TANC2: variants seen among roughly 807,000 people sequenced by gnomAD.
TANC2 encodes protein TANC2.
Under a neutral mutation model 210.5 loss-of-function variants are expected in TANC2, and 26 were observed. The ratio of observed to expected loss-of-function variants is 0.12; its 90% CI spans 0.09 to 0.17. The LOEUF (loss-of-function observed/expected upper bound fraction) is 0.17, where lower values mean the gene tolerates loss of function less well. Among genes scored for constraint, TANC2 ranks in the 10% least tolerant of loss-of-function variants. TANC2 has a pLI of 1.00. For missense variants in TANC2, 2,129 were observed against 2,608.9 expected (o/e 0.82, Z 4.01); for synonymous variants, 931 against 967.1 (o/e 0.96, Z 0.69).
chr17:62,999,387 A>G (rs1348650653), intron 1 of TANC2, among the ~76,000 whole-genome samples: 1 of 152,228 alleles, frequency 6.6e-6, no homozygotes, highest in East Asian at 1.9e-4. Context: ...AGACTCAGGT[A>G]TTTATAGTAG....
chr17:63,225,242 G>A (rs1280341255), intron 7 of TANC2, among the ~76,000 whole-genome samples: 4 of 152,090 alleles, frequency 2.6e-5, no homozygotes, highest in South Asian at 2.1e-4. Flanking sequence ...GTTTTCTGAC[G>A]CATGTTTACT....
At chr17:63,142,495 G>A (rs770652747) in intron 4 of TANC2, among the ~76,000 whole-genome samples, 6 of 151,918 alleles carry the variant, frequency 3.9e-5, no homozygotes, top group Non-Finnish European at 8.8e-5. Context: ...GTTTCTCTTT[G>A]TCAGTCTAGA....
intron 2 of TANC2, among the ~76,000 whole-genome samples, chr17:63,055,402 T>TA (rs2035732649): frequency 1.1e-5 from 1 of 91,628 alleles, no homozygotes; most frequent in Non-Finnish European, 2.0e-5. Flanking sequence ...GTATGCTGAT[T>TA]AAAAAAACAG....
chr17:63,258,673 A>G (rs984634422), intron 8 of TANC2, among the ~76,000 whole-genome samples: 2 of 152,032 alleles, frequency 1.3e-5, no homozygotes, highest in Non-Finnish European at 2.9e-5. Flanking sequence ...TCAAGGCCCA[A>G]GAGCTCTTCA....
At chr17:63,398,488 C>T (rs1218014010) in intron 18 of TANC2, among the ~76,000 whole-genome samples, 1 of 151,446 alleles carries the variant, frequency 6.6e-6, no homozygotes, top group Non-Finnish European at 1.5e-5. Flanking sequence ...AACAGGCCCT[C>T]AGTTTTCTCG....
chr17:63,265,379 C>T (rs778700243), intron 8 of TANC2, among the ~76,000 whole-genome samples: 11 of 152,172 alleles, frequency 7.2e-5, no homozygotes, highest in Non-Finnish European at 1.5e-4. Context: ...TCTTCTTAAT[C>T]AACTGACTTG....
intron 2 of TANC2, among the ~76,000 whole-genome samples, chr17:63,028,629 A>G (rs765775623): frequency 1.3e-5 from 2 of 152,170 alleles, no homozygotes; most frequent in Non-Finnish European, 2.9e-5. Context: ...GACAGCTTTT[A>G]CATTGGAGTT....
intron 12 of TANC2, among the ~76,000 whole-genome samples, chr17:63,347,646 G>A (rs1023707090): frequency 3.9e-5 from 6 of 152,068 alleles, no homozygotes; most frequent in African/African-American, 1.4e-4. Flanking sequence ...AGTTCCACAA[G>A]TACAGTGATT....
intron 1 of TANC2, among the ~76,000 whole-genome samples, chr17:62,969,776 C>T (rs1204729275): frequency 6.6e-6 from 1 of 152,022 alleles, no homozygotes; most frequent in African/African-American, 2.4e-5. Flanking sequence ...ACCTTTACTG[C>T]TTATTTTCTG....
intron 11 of TANC2, among the ~76,000 whole-genome samples, chr17:63,325,790 A>C (rs1018052690): frequency 6.6e-6 from 1 of 152,238 alleles, no homozygotes; most frequent in African/African-American, 2.4e-5. Context: ...ATTCAGAATC[A>C]GATTCATGTG....
intron 5 of TANC2, among the ~76,000 whole-genome samples, chr17:63,193,178 C>G (rs1398925510): frequency 6.6e-6 from 1 of 151,924 alleles, no homozygotes; most frequent in East Asian, 1.9e-4. Context: ...TAAAAATAAC[C>G]CTACTGATTC....
intron 1 of TANC2, among the ~76,000 whole-genome samples, chr17:62,998,916 A>G (rs2033243785): frequency 6.6e-6 from 1 of 152,234 alleles, no homozygotes; most frequent in Non-Finnish European, 1.5e-5. Context: ...ATCAACACAC[A>G]TAGAGTCAAA....
chr17:63,224,930 C>T (rs998127161), intron 7 of TANC2, among the ~76,000 whole-genome samples: 1 of 152,172 alleles, frequency 6.6e-6, no homozygotes. Flanking sequence ...TCATCATATC[C>T]AGGTTTGAAG....
chr17:63,384,472 A>G (rs1250710138), intron 15 of TANC2, among the ~76,000 whole-genome samples: 1 of 152,108 alleles, frequency 6.6e-6, no homozygotes, highest in Admixed American at 6.5e-5. Context: ...AAGGCTACAC[A>G]CATATATATA....
intron 2 of TANC2, among the ~76,000 whole-genome samples, chr17:63,064,418 C>T (rs576130229): frequency 6.6e-6 from 1 of 152,296 alleles, no homozygotes; most frequent in South Asian, 2.1e-4. Flanking sequence ...ATTATCACAC[C>T]ACTGTATTCC....
chr17:63,157,638 G>A (rs1193919389), intron 5 of TANC2, among the ~76,000 whole-genome samples: 1 of 151,856 alleles, frequency 6.6e-6, no homozygotes, highest in Non-Finnish European at 1.5e-5. Flanking sequence ...AAATGGGGAT[G>A]ATAATATTAC....
intron 12 of TANC2, among the ~76,000 whole-genome samples, chr17:63,342,116 C>A (rs1186573366): frequency 6.6e-6 from 1 of 152,066 alleles, no homozygotes; most frequent in Non-Finnish European, 1.5e-5. Flanking sequence ...ATCTACCTGC[C>A]CCCCTCCAGT....
intron 11 of TANC2, chr17:63,320,236 C>T (rs1303044947): frequency 6.6e-6 from 1 of 152,120 alleles, no homozygotes; most frequent in African/African-American, 2.4e-5. Context: ...TTGGCTAAGT[C>T]ATTTCATAAC....
intron 7 of TANC2, among the ~76,000 whole-genome samples, chr17:63,219,033 GT>G: frequency 6.6e-6 from 1 of 152,292 alleles, no homozygotes; most frequent in Admixed American, 6.5e-5. Context: ...GCACTAAATT[GT>G]GGAATAATTA....
Sources: allele counts gnomAD v4.1 joint callset (sites outside exome capture counted in the v4.1 genomes callset), GRCh38; gene constraint gnomAD v4.1.1; transcripts MANE v1.5; gene names NCBI Gene and HGNC (gene_info 2026-07-23, HGNC 2026-07-21).